The following ARHGAP19 variants were observed in gnomAD, a reference collection of about 807,000 sequenced individuals.
The protein encoded by ARHGAP19 is Rho GTPase activating protein 19, also known as rho GTPase-activating protein 19.
Under a neutral mutation model 60.9 loss-of-function variants are expected in ARHGAP19, and 48 were observed. The observed-to-expected ratio is 0.79, with a 90% CI of 0.62 to 1.00. The LOEUF is 1.00. ARHGAP19 is among the 50% of genes least tolerant of loss of function. The pLI is 0.00. For synonymous variants in ARHGAP19, 209 were observed against 215.5 expected (o/e 0.97, Z 0.27); for missense variants, 562 against 597.2 (o/e 0.94, Z 0.61).
At position 97,244,154 on chromosome 10, in the gene ARHGAP19, G is replaced by A. The variant is rs757241975; in HGVS notation, c.999C>T (p.Asp333=). 1.3e-6 allele frequency: 2 copies of A among 1,583,508 alleles called. No individual in the cohort carries two copies. The highest frequency in any genetic ancestry group is 1.7e-6 in the Non-Finnish European group (2 of 1,166,812). ...LGSRTQASKD[D]LDLIASCHTK... ...TATGACATGAAGCTATGAGGTCAAG[G>A]TCATCCTAAGGAAAATTTAAAAGAA... Residue 333 remains aspartate, a synonymous_variant, in exon 8 of 12, where the codon GAC becomes GAT. Transcript: ENST00000358531.
At chr10:97,238,859 C>G (rs1842424192) in intron 8 of ARHGAP19, among the ~76,000 whole-genome samples, 1 of 152,206 alleles carries the variant, frequency 6.6e-6, no homozygotes, top group African/African-American at 2.4e-5. Context: ...ACTGACACAC[C>G]TAGAGTAACT....
intron 1 of ARHGAP19, among the ~76,000 whole-genome samples, chr10:97,273,044 G>A (rs1842979809): frequency 6.6e-6 from 1 of 151,992 alleles, no homozygotes; most frequent in Non-Finnish European, 1.5e-5. Context: ...GTTTCACCGT[G>A]TTAGCCAGGA....
chr10:97,256,415 GA>G lies in ARHGAP19; in HGVS notation c.841-12del. ...GTCATTTGCAGTGACCTATTCAGAGGAAAAGAAACCAAACAATGGACATTAA... is the reference window on the plus strand; with the variant it reads ...GTCATTTGCAGTGACCTATTCAGAGGAAAGAAACCAAACAATGGACATTAA... On this transcript the variant is annotated splice_polypyrimidine_tract_variant and intron_variant, in intron 5 of 11. Transcript: ENST00000358531. 6.3e-7 allele frequency: 1 copy of G among 1,593,746 alleles called. No homozygotes were observed.
At chr10:97,265,447 T>A in intron 2 of ARHGAP19, 1 of 194,100 alleles carries the variant, frequency 5.2e-6, no homozygotes, top group Non-Finnish European at 1.1e-5. Context: ...TGCAGTGAGC[T>A]ATGATGACAC....
At chr10:97,270,372 G>A (rs781455687) in intron 1 of ARHGAP19, among the ~76,000 whole-genome samples, 39 of 152,104 alleles carry the variant, frequency 2.6e-4, no homozygotes, top group Non-Finnish European at 3.8e-4. Flanking sequence ...GAGTTACAGC[G>A]GGTTATTTTT....
chr10:97,250,237 TATG>T (rs2134852790), intron 6 of ARHGAP19, among the ~76,000 whole-genome samples: 1 of 152,308 alleles, frequency 6.6e-6, no homozygotes, highest in Admixed American at 6.5e-5. Flanking sequence ...AATATGGCAA[TATG>T]ATAACATTTG....
intron 6 of ARHGAP19, among the ~76,000 whole-genome samples, chr10:97,249,013 T>G (rs1175056034): frequency 6.6e-6 from 1 of 152,110 alleles, no homozygotes; most frequent in Admixed American, 6.6e-5. Context: ...AGATGGGGTT[T>G]TGCCACATTG....
chr10:97,271,731 C>T (rs1377047777), intron 1 of ARHGAP19, among the ~76,000 whole-genome samples: 2 of 151,950 alleles, frequency 1.3e-5, no homozygotes, highest in Non-Finnish European at 2.9e-5. Flanking sequence ...ACCCAGGCTG[C>T]AGTGTAGTGG....
At chr10:97,244,548 A>T (rs1190633843) in intron 7 of ARHGAP19, among the ~76,000 whole-genome samples, 1 of 152,210 alleles carries the variant, frequency 6.6e-6, no homozygotes, top group Non-Finnish European at 1.5e-5. Flanking sequence ...GTTTAAAGTC[A>T]TCTGGATACT....
At chr10:97,227,814 G>A (rs1192464620) in intron 11 of ARHGAP19, among the ~76,000 whole-genome samples, 1 of 152,204 alleles carries the variant, frequency 6.6e-6, no homozygotes, top group Admixed American at 6.5e-5. Flanking sequence ...GAAGTCCACA[G>A]ATGACAAGGT....
chr10:97,283,124 T>C (rs1398034807), intron 1 of ARHGAP19, among the ~76,000 whole-genome samples: 2 of 152,044 alleles, frequency 1.3e-5, no homozygotes, highest in African/African-American at 4.8e-5. Context: ...ATTACAGGCG[T>C]GAGCCACCCG....
chr10:97,230,798 G>A (rs985391241), intron 9 of ARHGAP19, among the ~76,000 whole-genome samples: 1 of 152,044 alleles, frequency 6.6e-6, no homozygotes, highest in East Asian at 1.9e-4. Flanking sequence ...GGGAGCGGTG[G>A]CTCACGCCTG....
intron 6 of ARHGAP19, among the ~76,000 whole-genome samples, chr10:97,255,180 C>T (rs977906799): frequency 3.3e-5 from 5 of 152,082 alleles, no homozygotes; most frequent in Admixed American, 2.6e-4. Flanking sequence ...CTTAATGCCA[C>T]AGAACTGTAC....
intron 1 of ARHGAP19, 126 bp from the exon 2 acceptor site, chr10:97,266,251 A>G: frequency 9.2e-7 from 1 of 1,089,308 alleles, no homozygotes; most frequent in Non-Finnish European, 1.3e-6. Context: ...GCTTCCTTTA[A>G]CTGAGCCAGA....
chr10:97,247,818 AG>A (rs1387995722), intron 6 of ARHGAP19, among the ~76,000 whole-genome samples: 1 of 152,216 alleles, frequency 6.6e-6, no homozygotes, highest in Non-Finnish European at 1.5e-5. Flanking sequence ...TATTTGTGTA[AG>A]AAAAAACCAG....
rs546272839 is a variant in ARHGAP19, at chr10:97,239,929, A to G, written c.1185+4039T>C. The stretch of plus-strand genomic sequence containing the variant: ...TCCATGTTGGTCAGGCTCGTCTCGA[A>G]CTCCCGACCTCAGGTGACCGGCCTG... On this transcript the variant is annotated intron_variant, in intron 8 of 11. Transcript: ENST00000358531. 1.4e-3 allele frequency among the ~76,000 whole-genome samples: 210 copies of G among 150,900 alleles called. 2 individuals are homozygous for G. Among genetic ancestry groups the G allele is most frequent in the Non-Finnish European group, 2.4e-3 (163 of 67,734 alleles).
intron 11 of ARHGAP19, among the ~76,000 whole-genome samples, chr10:97,228,599 G>A (rs1850943560): frequency 1.3e-5 from 2 of 152,148 alleles, no homozygotes; most frequent in South Asian, 2.1e-4. Context: ...CTCCTTCAGA[G>A]GAAGGCACAG....
rs142111578 is a variant in ARHGAP19, at chr10:97,231,979, G to GTT, written c.1285-2107_1285-2106dup. On this transcript the variant is annotated intron_variant, in intron 9 of 11. Transcript: ENST00000358531. ...TCATCAACATTTGTTATTTTCCGTT[G>GTT]TTTTTTTTTTTTTTTTTTTAATAAT... Among the ~76,000 whole-genome samples the GTT allele has an allele frequency of 9.7e-3, 1,045 of 107,846 alleles. 16 individuals are homozygous for GTT. The highest frequency in any genetic ancestry group is 0.031 in the African/African-American group (950 of 30,588). 70.8% of individuals were successfully genotyped at this position (107,846 alleles called of 152,430 possible).
chr10:97,292,250 A>G (rs528874154), intron 1 of ARHGAP19, among the ~76,000 whole-genome samples: 2 of 152,204 alleles, frequency 1.3e-5, no homozygotes, highest in Non-Finnish European at 1.5e-5. Flanking sequence ...TTCGCTAACC[A>G]GCCCTGGACT....
Sources: allele counts gnomAD v4.1 joint callset (sites outside exome capture counted in the v4.1 genomes callset), GRCh38; gene constraint gnomAD v4.1.1; transcripts MANE v1.5; gene names NCBI Gene and HGNC (gene_info 2026-07-23, HGNC 2026-07-21).